The following NRIP1 variants were observed in gnomAD, a reference collection of about 807,000 sequenced individuals.
NRIP1 encodes the protein nuclear receptor interacting protein 1.
NRIP1 carries 28 observed loss-of-function variants against 75.0 expected under a neutral mutation model. The ratio of observed to expected loss-of-function variants is 0.37; its 90% CI spans 0.28 to 0.51. The LOEUF is 0.51. Among genes scored for constraint, NRIP1 ranks in the 20% least tolerant of loss-of-function variants. The pLI is 0.92. For missense variants in NRIP1, 1,435 were observed against 1,343.7 expected (o/e 1.07, Z -1.06); for synonymous variants, 526 against 487.6 (o/e 1.08, Z -1.04).
chr21:14,969,198 C>G (rs950324791), intron 3 of NRIP1, among the ~76,000 whole-genome samples: 2 of 152,156 alleles, frequency 1.3e-5, no homozygotes, highest in Non-Finnish European at 2.9e-5. Context: ...CCTACCCATA[C>G]TTTTTACCAT....
intron 3 of NRIP1, among the ~76,000 whole-genome samples, chr21:14,991,494 T>C (rs1231374513): frequency 6.6e-6 from 1 of 152,022 alleles, no homozygotes; most frequent in Non-Finnish European, 1.5e-5. Flanking sequence ...CAGCTAAACA[T>C]GATGACTCTG....
At chr21:15,029,134 C>A (rs1416235488) in intron 2 of NRIP1, among the ~76,000 whole-genome samples, 1 of 152,176 alleles carries the variant, frequency 6.6e-6, no homozygotes, top group African/African-American at 2.4e-5. Context: ...ATCATAATGG[C>A]CGCCTCACTG....
chr21:15,021,116 T>C (rs942668729), intron 2 of NRIP1, among the ~76,000 whole-genome samples: 1 of 152,118 alleles, frequency 6.6e-6, no homozygotes, highest in Non-Finnish European at 1.5e-5. Context: ...CTACAAATGG[T>C]GATATCAGCA....
chr21:14,970,417 G>C lies in NRIP1; in HGVS notation c.-334-1891C>G, dbSNP rs1002954395. Among the ~76,000 whole-genome samples, 3 of 152,120 alleles carry C rather than the reference G, an allele frequency of 2.0e-5. No individual in the cohort carries two copies. In the East Asian group the frequency reaches 5.8e-4, roughly 29 times the overall value. ...AAAAATTAGCCGGGTATGGTGGCAT[G>C]CGCCTGTAGTCCCAGCTACTCAGGA... is the stretch of plus-strand genomic sequence containing the variant. On this transcript the variant is annotated intron_variant, in intron 3 of 3. Transcript: ENST00000318948.
rs11288373 is a variant in NRIP1, at chr21:14,964,173, CTTTTT to C, written c.*538_*542del. 1 of 151,222 alleles carries C rather than the reference CTTTTT, an allele frequency of 6.6e-6. No homozygotes were observed. The highest frequency in any genetic ancestry group is 1.9e-4 in the East Asian group (1 of 5,144). 9.4% of individuals were successfully genotyped at this position (151,222 alleles called of 1,614,324 possible). A position where few individuals can be genotyped will look rare whatever the true frequency, so the allele number is the denominator to read the frequency against. On this transcript the variant is annotated 3_prime_UTR_variant, in exon 4 of 4. Transcript: ENST00000318948. ...TCTTCCAAGAGTTAAAAATAAACAC[CTTTTT>C]TTTTTCTTTTTAGCAAAAGTGAAAA...
chr21:15,039,674 A>G (rs1203314820), intron 2 of NRIP1, among the ~76,000 whole-genome samples: 1 of 152,128 alleles, frequency 6.6e-6, no homozygotes, highest in Non-Finnish European at 1.5e-5. Context: ...GTGGAGTTAC[A>G]GCATACAGCA....
rs941278660 is a variant in NRIP1 at position 14,961,785 on chromosome 21, T to C, written c.*2931A>G. ...TTAAATAAAAGGTTTATTCTATACA[T>C]TTGTCCAGACTTGCAACTGTATACA... On this transcript the variant is annotated 3_prime_UTR_variant, in exon 4 of 4. Coordinates refer to ENST00000318948, the MANE Select transcript of NRIP1 (RefSeq NM_003489.4). 1 of 152,196 alleles carries C rather than the reference T, an allele frequency of 6.6e-6. No individual in the cohort carries two copies. Among genetic ancestry groups the C allele is most frequent in the Admixed American group, 6.6e-5 (1 of 15,208 alleles). 9.4% of individuals were successfully genotyped at this position (152,196 alleles called of 1,614,324 possible).
intron 3 of NRIP1, among the ~76,000 whole-genome samples, chr21:14,997,466 G>A (rs2147101339): frequency 6.6e-6 from 1 of 151,966 alleles, no homozygotes; most frequent in South Asian, 2.1e-4. Context: ...TATGACTAAA[G>A]TGACAGACCA....
chr21:14,967,971 C>G lies in NRIP1; in HGVS notation c.222G>C (p.Gln74His). The stretch of plus-strand genomic sequence containing the variant: ...TTTTGAGGTGCAGCATGCCAGACCC[C>G]TGATATGTATGTGTATTGAGAACTG... ...NGPVLNTHTY[Q>H]GSGMLHLKKA... Residue 74 changes from glutamine (Q) to histidine (H), a missense_variant, in exon 4 of 4, where the codon CAG becomes CAC. Transcript: ENST00000318948. The G allele has an allele frequency of 6.2e-7, 1 of 1,613,954 alleles. No homozygotes were observed.
intron 3 of NRIP1, among the ~76,000 whole-genome samples, chr21:14,972,738 G>A (rs2086936737): frequency 6.6e-6 from 1 of 152,170 alleles, no homozygotes; most frequent in Non-Finnish European, 1.5e-5. Flanking sequence ...GGGTGGAGAT[G>A]GTTTCAAGAT....
chr21:15,017,601 G>A (rs570650192), intron 2 of NRIP1, among the ~76,000 whole-genome samples: 3 of 152,260 alleles, frequency 2.0e-5, no homozygotes, highest in African/African-American at 7.2e-5. Flanking sequence ...CTGGGTTTAA[G>A]TTACCCCAAA....
At chr21:15,039,647 C>T (rs956531555) in intron 2 of NRIP1, among the ~76,000 whole-genome samples, 3 of 152,048 alleles carry the variant, frequency 2.0e-5, no homozygotes, top group African/African-American at 7.2e-5. Context: ...GTAAACTTCC[C>T]TATTTTATTA....
chr21:15,025,445 T>A (rs1367194373), intron 2 of NRIP1, among the ~76,000 whole-genome samples: 1 of 152,066 alleles, frequency 6.6e-6, no homozygotes, highest in African/African-American at 2.4e-5. Context: ...TAAGTTACAA[T>A]AGTAACGGAT....
intron 2 of NRIP1, among the ~76,000 whole-genome samples, chr21:15,038,623 T>C (rs918937453): frequency 3.3e-5 from 5 of 152,116 alleles, no homozygotes; most frequent in Non-Finnish European, 7.4e-5. Context: ...ATTTACATAT[T>C]ACCTTTCAAA....
At chr21:14,994,258 G>A (rs1356824948) in intron 3 of NRIP1, among the ~76,000 whole-genome samples, 1 of 152,118 alleles carries the variant, frequency 6.6e-6, no homozygotes, top group Non-Finnish European at 1.5e-5. Context: ...TTGAGTAGCT[G>A]GGATTACAGG....
rs963467535 is a variant in NRIP1 at position 14,963,905 on chromosome 21, T to G, written c.*811A>C. The G allele has an allele frequency of 6.6e-6, 1 of 152,570 alleles. No individual in the cohort carries two copies. The highest frequency in any genetic ancestry group is 1.5e-5 in the Non-Finnish European group (1 of 68,022). 9.5% of individuals were successfully genotyped at this position (152,570 alleles called of 1,614,324 possible). ...TTTTGCTTCTGTTAAAAACAATTTCTTAAATATTCAACTTTTCAGGAAACC... is the reference window on the plus strand; with the variant it reads ...TTTTGCTTCTGTTAAAAACAATTTCGTAAATATTCAACTTTTCAGGAAACC... On this transcript the variant is annotated 3_prime_UTR_variant, in exon 4 of 4. Coordinates refer to ENST00000318948, the MANE Select transcript of NRIP1 (RefSeq NM_003489.4).
intron 3 of NRIP1, among the ~76,000 whole-genome samples, chr21:15,012,049 A>G (rs887197484): frequency 2.9e-4 from 44 of 152,316 alleles, no homozygotes; most frequent in African/African-American, 1.0e-3. Context: ...AAATTACTAT[A>G]CTTAAAAATA....
chr21:15,006,229 T>C (rs1434860710), intron 3 of NRIP1, among the ~76,000 whole-genome samples: 1 of 152,062 alleles, frequency 6.6e-6, no homozygotes, highest in East Asian at 1.9e-4. Context: ...GGTAAAGCAA[T>C]CTCGGTCTTG....
intron 2 of NRIP1, among the ~76,000 whole-genome samples, chr21:15,036,210 T>C (rs2088829831): frequency 6.6e-6 from 1 of 152,178 alleles, no homozygotes; most frequent in East Asian, 1.9e-4. Flanking sequence ...ATGCCCTAGA[T>C]AATAAAGGGC....
Sources: allele counts gnomAD v4.1 joint callset (sites outside exome capture counted in the v4.1 genomes callset), GRCh38; gene constraint gnomAD v4.1.1; transcripts MANE v1.5; gene names NCBI Gene and HGNC (gene_info 2026-07-23, HGNC 2026-07-21).